Variants in FOXP1 observed in about 807,000 individuals in gnomAD.
FOXP1 encodes forkhead box protein P1.
A neutral mutation model predicts 98.2 loss-of-function variants in FOXP1; 15 were observed. That is an observed-to-expected ratio of 0.15 (90% CI 0.10 to 0.24). FOXP1 has a LOEUF of 0.24. Among genes scored for constraint, FOXP1 ranks in the 10% least tolerant of loss-of-function variants. FOXP1 has a pLI of 1.00. For synonymous variants in FOXP1, 371 were observed against 314.5 expected (o/e 1.18, Z -1.90); for missense variants, 633 against 848.5 (o/e 0.75, Z 3.15).
intron 5 of FOXP1, among the ~76,000 whole-genome samples, chr3:71,241,181 G>A (rs946795110): frequency 6.6e-6 from 1 of 151,612 alleles, no homozygotes; most frequent in African/African-American, 2.4e-5. Context: ...TTGCACTCTA[G>A]CCCAGGCGAC....
chr3:71,559,469 ATC>A (rs1040749427), intron 2 of FOXP1, among the ~76,000 whole-genome samples: 17 of 152,164 alleles, frequency 1.1e-4, no homozygotes. Context: ...TCACCCGCTA[ATC>A]TAACTCCAGG....
intron 4 of FOXP1, among the ~76,000 whole-genome samples, chr3:71,339,055 A>C (rs1396112612): frequency 6.6e-6 from 1 of 152,248 alleles, no homozygotes; most frequent in Non-Finnish European, 1.5e-5. Context: ...AAAGTCCATC[A>C]TATGTTTACT....
Position 70,955,583 on chromosome 3 carries a change from T to TA in FOXP1, c.*3663dup, listed in dbSNP as rs2031577027. On this transcript the variant is annotated 3_prime_UTR_variant, in exon 21 of 21. Coordinates refer to ENST00000649528, the MANE Select transcript of FOXP1 (RefSeq NM_001349338.3). ...GCACCTTGTAAAGTTTTTTTTTTTTTATACAAAAGTTCAATAGTTTTGACA... is the reference window on the plus strand; with the variant it reads ...GCACCTTGTAAAGTTTTTTTTTTTTTAATACAAAAGTTCAATAGTTTTGACA... 2 of 232,954 alleles carry TA rather than the reference T, an allele frequency of 8.6e-6. No individual in the cohort carries two copies. The highest frequency in any genetic ancestry group is 1.2e-4 in the East Asian group (2 of 16,550). 14.4% of individuals were successfully genotyped at this position (232,954 alleles called of 1,614,324 possible). A position where few individuals can be genotyped will look rare whatever the true frequency, so the allele number is the denominator to read the frequency against.
chr3:71,396,484 A>G (rs2081381438), intron 3 of FOXP1, among the ~76,000 whole-genome samples: 1 of 152,124 alleles, frequency 6.6e-6, no homozygotes, highest in Non-Finnish European at 1.5e-5. Context: ...TGACCCAGGA[A>G]GTCTGAGTCA....
chr3:71,534,385 C>T (rs2044119583), intron 2 of FOXP1, among the ~76,000 whole-genome samples: 1 of 151,968 alleles, frequency 6.6e-6, no homozygotes, highest in African/African-American at 2.4e-5. Flanking sequence ...CAACAAAAAA[C>T]CCTAAGGCTC....
chr3:71,027,999 A>ATCTGTAT (rs2046355786), intron 11 of FOXP1, among the ~76,000 whole-genome samples: 1 of 152,188 alleles, frequency 6.6e-6, no homozygotes, highest in Admixed American at 6.5e-5. Context: ...AAAGTACTGT[A>ATCTGTAT]ACATTTGATC....
At chr3:71,400,421 A>G (rs1330690956) in intron 3 of FOXP1, among the ~76,000 whole-genome samples, 2 of 151,956 alleles carry the variant, frequency 1.3e-5, no homozygotes, top group African/African-American at 4.8e-5. Context: ...CAGTGGTGCA[A>G]TCTCGGCTCA....
intron 7 of FOXP1, among the ~76,000 whole-genome samples, chr3:71,062,328 T>G (rs1210508705): frequency 6.6e-6 from 1 of 152,106 alleles, no homozygotes; most frequent in Non-Finnish European, 1.5e-5. Context: ...GACAATACAC[T>G]ATATATCCTC....
At chr3:71,333,483 A>T (rs1050203164) in intron 4 of FOXP1, 1 of 152,254 alleles carries the variant, frequency 6.6e-6, no homozygotes, top group Non-Finnish European at 1.5e-5. Context: ...TATTACTTCA[A>T]AATGAGCTAA....
chr3:71,050,676 G>A (rs545064513), intron 9 of FOXP1, among the ~76,000 whole-genome samples: 9 of 152,330 alleles, frequency 5.9e-5, no homozygotes, highest in African/African-American at 2.2e-4. Flanking sequence ...TGCTTCAAAA[G>A]TGGGTTTTTA....
At chr3:71,167,670 C>T (rs2061454854) in intron 6 of FOXP1, among the ~76,000 whole-genome samples, 1 of 152,164 alleles carries the variant, frequency 6.6e-6, no homozygotes, top group Non-Finnish European at 1.5e-5. Context: ...GCACCAATAG[C>T]TTTCACTTCA....
In FOXP1 at chr3:71,146,012, A is replaced by G. The variant is rs78171591; in HGVS notation, c.181-33375T>C. 6.8e-3 allele frequency among the ~76,000 whole-genome samples: 1,039 copies of G among 152,312 alleles called. 17 individuals carry two copies. Among genetic ancestry groups the G allele is most frequent in the African/African-American group, 0.024 (996 of 41,556 alleles). On this transcript the variant is annotated intron_variant, in intron 6 of 20. Coordinates refer to ENST00000649528, the MANE Select transcript of FOXP1 (RefSeq NM_001349338.3). ...CACTATGCTATGGAGAAAAGACAGA[A>G]AGGATGTTGGATAGCAGCAACTTAC...
intron 6 of FOXP1, among the ~76,000 whole-genome samples, chr3:71,137,524 G>T (rs1245389500): frequency 1.3e-5 from 2 of 152,134 alleles, no homozygotes; most frequent in African/African-American, 4.8e-5. Flanking sequence ...CTGGAGAAAT[G>T]CCTGTTCTGA....
chr3:71,470,878 C>T (rs540038798), intron 3 of FOXP1, among the ~76,000 whole-genome samples: 15 of 152,296 alleles, frequency 9.8e-5, no homozygotes, highest in African/African-American at 3.4e-4. Context: ...ACAGACAGAA[C>T]TGGATTTGAA....
At chr3:71,017,310 C>T (rs1160329638) in intron 11 of FOXP1, among the ~76,000 whole-genome samples, 1 of 151,838 alleles carries the variant, frequency 6.6e-6, no homozygotes, top group African/African-American at 2.4e-5. Context: ...AATACTTCAA[C>T]AGTAGTAGAA....
chr3:71,389,247 GGGGGGCC>G (rs2080846202), intron 3 of FOXP1, among the ~76,000 whole-genome samples: 2 of 58,384 alleles, frequency 3.4e-5, no homozygotes, highest in African/African-American at 1.3e-4. Context: ...GCGGGGGGGG[GGGGGGCC>G]GGGGGGGGCG....
chr3:70,976,599 G>C (rs2037588666), intron 17 of FOXP1, among the ~76,000 whole-genome samples: 1 of 152,188 alleles, frequency 6.6e-6, no homozygotes, highest in Non-Finnish European at 1.5e-5. Flanking sequence ...TATCGGCTGT[G>C]GCTGAAGACC....
intron 4 of FOXP1, among the ~76,000 whole-genome samples, chr3:71,357,515 C>A (rs2078245732): frequency 6.6e-6 from 1 of 152,204 alleles, no homozygotes; most frequent in Non-Finnish European, 1.5e-5. Context: ...AATGGTTGCT[C>A]AGTAAGCATT....
At chr3:70,972,443 A>C in intron 18 of FOXP1, 112 bp downstream of exon 18, 1 of 1,477,556 alleles carries the variant, frequency 6.8e-7, no homozygotes, top group East Asian at 2.3e-5. Flanking sequence ...CTTAACTGAG[A>C]CAACGTGAAA....
Sources: allele counts gnomAD v4.1 joint callset (sites outside exome capture counted in the v4.1 genomes callset), GRCh38; gene constraint gnomAD v4.1.1; transcripts MANE v1.5; gene names NCBI Gene and HGNC (gene_info 2026-07-23, HGNC 2026-07-21).